Variants in ANO6 observed in about 807,000 individuals in gnomAD.
The protein encoded by ANO6 is anoctamin 6.
ANO6 carries 106 observed loss-of-function variants against 117.5 expected under a neutral mutation model. The observed-to-expected ratio is 0.90, with a 90% CI of 0.77 to 1.06. The LOEUF is 1.06. Ranked by LOEUF, ANO6 falls within the 50% of genes least tolerant of loss-of-function variation. The probability of loss-of-function intolerance (pLI) is 0.00; values close to 1 mark genes in which losing one functional copy is unlikely to be tolerated. For missense variants in ANO6, 955 were observed against 1,121.1 expected (o/e 0.85, Z 2.12); for synonymous variants, 367 against 385.1 (o/e 0.95, Z 0.55).
chr12:45,429,170 G>A lies in ANO6; in HGVS notation c.2592G>A (p.Lys864=). Residue 864 remains lysine, a synonymous_variant, in exon 20 of 20, where the codon AAG becomes AAA. Coordinates refer to ENST00000320560, the MANE Select transcript of ANO6 (RefSeq NM_001025356.3). ...TTCCCGATGTATCAAAACGCACAAA[G>A]AGCAAGATCCAGAGAGAAAAATACC... ...YAIPDVSKRT[K]SKIQREKYLT... is the part of the protein sequence containing the mutation. 8 of 1,613,864 alleles carry A rather than the reference G, an allele frequency of 5.0e-6. No individual in the cohort carries two copies. The highest frequency in any genetic ancestry group is 6.8e-6 in the Non-Finnish European group (8 of 1,179,924).
intron 1 of ANO6, among the ~76,000 whole-genome samples, chr12:45,289,574 A>G (rs572167304): frequency 1.3e-5 from 2 of 152,356 alleles, no homozygotes; most frequent in East Asian, 3.9e-4. Flanking sequence ...AATATTAGAT[A>G]TTAATGACTA....
downstream of ANO6, among the ~76,000 whole-genome samples, chr12:45,434,302 G>A (rs929028622): frequency 6.6e-6 from 1 of 152,212 alleles, no homozygotes; most frequent in South Asian, 2.1e-4. Flanking sequence ...GTGATAAATC[G>A]CTGTCAGTCA....
intron 9 of ANO6, among the ~76,000 whole-genome samples, chr12:45,375,341 T>A (rs890419739): frequency 1.3e-5 from 2 of 152,152 alleles, no homozygotes; most frequent in African/African-American, 4.8e-5. Context: ...CTTCACAGAA[T>A]TGGAAAAAAC....
intron 1 of ANO6, among the ~76,000 whole-genome samples, chr12:45,225,790 A>G (rs1208125754): frequency 6.6e-6 from 1 of 152,148 alleles, no homozygotes; most frequent in African/African-American, 2.4e-5. Context: ...TTAGATTTTA[A>G]TGGAAGCTTT....
At chr12:45,382,553 T>A (rs537769580) in intron 10 of ANO6, among the ~76,000 whole-genome samples, 1 of 152,320 alleles carries the variant, frequency 6.6e-6, no homozygotes, top group South Asian at 2.1e-4. Context: ...AAACTGTCAA[T>A]GCTTCATGGT....
chr12:45,363,563 C>CA (rs528756231), intron 8 of ANO6, among the ~76,000 whole-genome samples: 5,881 of 113,684 alleles, frequency 0.052, 202 homozygotes, highest in African/African-American at 0.11. Flanking sequence ...GACTCTGTCT[C>CA]AAAAAAAAAA....
intron 17 of ANO6, among the ~76,000 whole-genome samples, chr12:45,417,675 A>G (rs768965644): frequency 3.9e-5 from 6 of 152,220 alleles, no homozygotes; most frequent in Non-Finnish European, 7.3e-5. Flanking sequence ...CCCAAGAAGT[A>G]TCCCAAAACT....
chr12:45,412,887 G>A (rs1943121709), intron 16 of ANO6, among the ~76,000 whole-genome samples: 1 of 152,202 alleles, frequency 6.6e-6, no homozygotes, highest in African/African-American at 2.4e-5. Context: ...GGATTTTGAA[G>A]GGTGAATGGA....
chr12:45,330,830 A>T (rs1343462895), intron 2 of ANO6, among the ~76,000 whole-genome samples: 3 of 152,066 alleles, frequency 2.0e-5, no homozygotes, highest in African/African-American at 7.2e-5. Context: ...CGGTGAAGTA[A>T]GTCCAAAAAG....
intron 1 of ANO6, among the ~76,000 whole-genome samples, chr12:45,258,771 A>G (rs1336918014): frequency 6.6e-6 from 1 of 152,250 alleles, no homozygotes. Flanking sequence ...TATTAAAATT[A>G]ACTGATTGTG....
chr12:45,278,195 G>A (rs886904622), intron 1 of ANO6, among the ~76,000 whole-genome samples: 1 of 152,134 alleles, frequency 6.6e-6, no homozygotes, highest in Non-Finnish European at 1.5e-5. Context: ...GGCCTTAAGT[G>A]ATCCTCCCCA....
intron 19 of ANO6, among the ~76,000 whole-genome samples, chr12:45,437,740 T>C (rs1328636048): frequency 6.6e-6 from 1 of 152,064 alleles, no homozygotes; most frequent in Non-Finnish European, 1.5e-5. Context: ...AGCTAATTTT[T>C]TGTATTTTTA....
At chr12:45,425,979 TA>T (rs1255228647) in intron 19 of ANO6, among the ~76,000 whole-genome samples, 1 of 152,166 alleles carries the variant, frequency 6.6e-6, no homozygotes, top group Non-Finnish European at 1.5e-5. Context: ...CAACAACTTC[TA>T]ACAAAACCAG....
In ANO6 at chr12:45,431,442, T is replaced by C; in HGVS notation, c.*2131T>C. The C allele has an allele frequency of 1.0e-6, 1 of 985,400 alleles. No individual in the cohort carries two copies. Among genetic ancestry groups the C allele is most frequent in the Non-Finnish European group, 1.2e-6 (1 of 829,922 alleles). 61.0% of individuals were successfully genotyped at this position (985,400 alleles called of 1,614,324 possible). On this transcript the variant is annotated 3_prime_UTR_variant, in exon 20 of 20. Coordinates refer to ENST00000320560, the MANE Select transcript of ANO6 (RefSeq NM_001025356.3). The stretch of plus-strand genomic sequence containing the variant: ...GTTTTTACCTTATCTCCTGTATGTA[T>C]GATAGAACTTAAAAGAAATGTGCAT...
intron 7 of ANO6, among the ~76,000 whole-genome samples, chr12:45,354,151 GA>G (rs1364558324): frequency 2.6e-5 from 4 of 152,126 alleles, no homozygotes; most frequent in Non-Finnish European, 4.4e-5. Flanking sequence ...ACCCAGCCTA[GA>G]GGATGAAAAT....
intron 1 of ANO6, among the ~76,000 whole-genome samples, chr12:45,220,052 A>T (rs913780812): frequency 4.6e-5 from 7 of 152,108 alleles, no homozygotes; most frequent in African/African-American, 1.7e-4. Context: ...CTTCTTGTTC[A>T]TGTAGAATGC....
intron 9 of ANO6, among the ~76,000 whole-genome samples, chr12:45,375,487 G>A (rs1593033475): frequency 6.6e-6 from 1 of 152,106 alleles, no homozygotes; most frequent in Non-Finnish European, 1.5e-5. Context: ...AAACAGCATG[G>A]TACTGGTACC....
At chr12:45,419,620 A>ATATG (rs1246782011) in intron 17 of ANO6, among the ~76,000 whole-genome samples, 1 of 152,200 alleles carries the variant, frequency 6.6e-6, no homozygotes, top group Non-Finnish European at 1.5e-5. Flanking sequence ...TGCCTAAACC[A>ATATG]TATGTTCAGA....
intron 15 of ANO6, among the ~76,000 whole-genome samples, chr12:45,407,828 G>A (rs1351157909): frequency 2.0e-5 from 3 of 152,204 alleles, no homozygotes; most frequent in East Asian, 1.9e-4. Flanking sequence ...TTATCACCCC[G>A]TTTTATTTTT....
Sources: allele counts gnomAD v4.1 joint callset (sites outside exome capture counted in the v4.1 genomes callset), GRCh38; gene constraint gnomAD v4.1.1; transcripts MANE v1.5; gene names NCBI Gene and HGNC (gene_info 2026-07-23, HGNC 2026-07-21).